The following BUB1 variants were observed in gnomAD, a reference collection of about 807,000 sequenced individuals.
The protein encoded by BUB1 is BUB1 mitotic checkpoint serine/threonine kinase, also known as mitotic checkpoint serine/threonine-protein kinase BUB1.
In BUB1, 84 loss-of-function variants were observed where a neutral mutation model predicts 135.2. The observed-to-expected ratio is 0.62, with a 90% CI of 0.52 to 0.74. BUB1 has a LOEUF of 0.74. Ranked by LOEUF, BUB1 falls within the 30% of genes least tolerant of loss-of-function variation. The pLI, the probability that BUB1 is intolerant of heterozygous loss-of-function variation, is 0.00. For synonymous variants in BUB1, 403 were observed against 434.4 expected, an observed-to-expected ratio of 0.93 and a Z score of 0.90; for missense variants, 1,162 against 1,288.3, an observed-to-expected ratio of 0.90 and a Z score of 1.50.
intron 4 of BUB1, among the ~76,000 whole-genome samples, 199 bp from the exon 5 acceptor site, chr2:110,670,767 T>G (rs1221717545): frequency 6.6e-6 from 1 of 152,222 alleles, no homozygotes; most frequent in Non-Finnish European, 1.5e-5. Context: ...CAATACATTA[T>G]CTGTATTACA....
At chr2:110,655,383 A>AT (rs1169271732) in intron 16 of BUB1, among the ~76,000 whole-genome samples, 1 of 152,202 alleles carries the variant, frequency 6.6e-6, no homozygotes, top group Non-Finnish European at 1.5e-5. Context: ...CATTCAAATA[A>AT]TTTAATGTCT....
At chr2:110,644,936 CTG>C (rs1574316108) in intron 19 of BUB1, among the ~76,000 whole-genome samples, 1 of 151,970 alleles carries the variant, frequency 6.6e-6, no homozygotes, top group Non-Finnish European at 1.5e-5. Context: ...AATTAATACA[CTG>C]AGAGGAGACA....
chr2:110,656,992 A>G, intron 15 of BUB1, 44 bp downstream of exon 15: 1 of 1,442,846 alleles, frequency 6.9e-7, no homozygotes, highest in Non-Finnish European at 9.6e-7. Flanking sequence ...AATAAAGCGG[A>G]TGGGTTGTAG....
Position 110,646,394 on chromosome 2 carries a change from G to C in BUB1, c.2347+2840C>G, listed in dbSNP as rs998861728. ...GGGGCGGGACAGGGAGGGACGGGAA[G>C]GGGCAGATAAAGCAGGCAGGAAATC... is the stretch of plus-strand genomic sequence containing the variant. On this transcript the variant is annotated intron_variant, in intron 19 of 24. Coordinates refer to ENST00000302759, the MANE Select transcript of BUB1 (RefSeq NM_004336.5). 3.3e-5 allele frequency among the ~76,000 whole-genome samples: 5 copies of C among 152,088 alleles called. No individual in the cohort carries two copies. The East Asian group carries it at 9.7e-4, about 29-fold the overall frequency.
At chr2:110,651,485 T>C (rs922569180) in intron 17 of BUB1, among the ~76,000 whole-genome samples, 3 of 152,236 alleles carry the variant, frequency 2.0e-5, no homozygotes, top group Admixed American at 6.5e-5. Flanking sequence ...TAAGTGTTGT[T>C]ACAAAAGTCA....
At position 110,674,238 on chromosome 2, in the gene BUB1, G is replaced by C. The variant is rs1435033298; in HGVS notation, c.87-14C>G. 1.2e-6 allele frequency: 2 copies of C among 1,611,262 alleles called. No individual in the cohort carries two copies. The highest frequency in any genetic ancestry group is 1.7e-6 in the Non-Finnish European group (2 of 1,177,870). On this transcript the variant is annotated splice_polypyrimidine_tract_variant and intron_variant, in intron 2 of 24. Transcript: ENST00000302759. Reference sequence around the variant, plus strand: ...CACTGTATGTATCTAGAAAAATATGGATAATGTTAATTTTCCATGGGGCAG... The same window carrying C: ...CACTGTATGTATCTAGAAAAATATGCATAATGTTAATTTTCCATGGGGCAG...
At chr2:110,670,103 G>A (rs998085594) in intron 5 of BUB1, among the ~76,000 whole-genome samples, 2 of 135,808 alleles carry the variant, frequency 1.5e-5, no homozygotes, top group African/African-American at 2.7e-5. Context: ...AGTGCAATTT[G>A]GTTTTCATTA....
At chr2:110,650,029 G>A (rs1455404471) in intron 18 of BUB1, among the ~76,000 whole-genome samples, 1 of 152,128 alleles carries the variant, frequency 6.6e-6, no homozygotes, top group Admixed American at 6.5e-5. Context: ...CTCTAAGGTA[G>A]GTACTAGCAT....
intron 11 of BUB1, 74 bp from the exon 12 acceptor site, chr2:110,658,816 T>C (rs1159267969): frequency 9.6e-6 from 15 of 1,557,228 alleles, no homozygotes; most frequent in Middle Eastern, 3.4e-4. Flanking sequence ...ACAATTTAAG[T>C]AAGTTACAAT....
chr2:110,653,370 A>G (rs2104530739), intron 17 of BUB1, 66 bp downstream of exon 17: 1 of 1,522,944 alleles, frequency 6.6e-7, no homozygotes, highest in East Asian at 2.3e-5. Flanking sequence ...AGCTAGAATG[A>G]AAATGGTAAA....
Position 110,657,662 on chromosome 2 carries a change from A to G in BUB1, c.1517-17T>C. 1 of 1,519,660 alleles carries G rather than the reference A, an allele frequency of 6.6e-7. No homozygotes were observed. The highest frequency in any genetic ancestry group is 8.9e-7 in the Non-Finnish European group (1 of 1,122,352). 94.1% of individuals were successfully genotyped at this position (1,519,660 alleles called of 1,614,324 possible). ...TTACATTTTCTGCAACAGAATAAAA[A>G]ATAGCATCTAATTATTGTACTAGGA... is the stretch of plus-strand genomic sequence containing the variant. On this transcript the variant is annotated splice_polypyrimidine_tract_variant and intron_variant, in intron 13 of 24. Coordinates refer to ENST00000302759, the MANE Select transcript of BUB1 (RefSeq NM_004336.5).
chr2:110,641,839 C>A, intron 20 of BUB1, 36 bp from the exon 21 acceptor site: 1 of 1,583,712 alleles, frequency 6.3e-7, no homozygotes, highest in South Asian at 1.1e-5. Context: ...TATCCAATCT[C>A]GTATTCTGAA....
rs1321069642 is a variant in BUB1, at chr2:110,641,291, A to C, written c.2783+16T>G. 9.4e-6 allele frequency: 15 copies of C among 1,597,018 alleles called. No individual in the cohort carries two copies. The highest frequency in any genetic ancestry group is 1.3e-5 in the Non-Finnish European group (15 of 1,171,274). ...AAATAGGAAGAGAAGAACCCTGTTA[A>C]AAGCATAACACTTGCCCGTTTCCAA... On this transcript the variant is annotated intron_variant, in intron 22 of 24. Transcript: ENST00000302759.
intron 19 of BUB1, among the ~76,000 whole-genome samples, chr2:110,646,216 G>A (rs1487905355): frequency 6.9e-6 from 1 of 144,604 alleles, no homozygotes; most frequent in Non-Finnish European, 1.5e-5. Context: ...CATGACTGTA[G>A]TCCTAACTAC....
At chr2:110,677,380 G>A (rs1355254692) in intron 1 of BUB1, among the ~76,000 whole-genome samples, 1 of 152,170 alleles carries the variant, frequency 6.6e-6, no homozygotes, top group Non-Finnish European at 1.5e-5. Context: ...GTAACAGTCT[G>A]GGTAAATCAT....
chr2:110,664,172 A>G (rs1690179455), intron 9 of BUB1, among the ~76,000 whole-genome samples: 1 of 152,184 alleles, frequency 6.6e-6, no homozygotes, highest in Non-Finnish European at 1.5e-5. Flanking sequence ...CCTAACAGAG[A>G]GTATGAGGAA....
chr2:110,660,034 C>A lies in BUB1; in HGVS notation c.1220G>T (p.Cys407Phe). The A allele has an allele frequency of 2.5e-6, 4 of 1,610,834 alleles. No homozygotes were observed. The highest frequency in any genetic ancestry group is 3.4e-6 in the Non-Finnish European group (4 of 1,177,604). Residue 407 changes from cysteine (C) to phenylalanine (F), a missense_variant and splice_region_variant, in exon 11 of 25, where the codon TGT (cysteine) becomes TTT (phenylalanine). By Grantham distance (205) the Cys-to-Phe change is radical (BLOSUM62 -2). Transcript: ENST00000302759. ...GAATTCATGAGTACTCTTATTCACA[C>A]ATCTGGAAGAGAAAACTCTTGAGAC... is the stretch of plus-strand genomic sequence containing the variant. ...MFAVASKDAG[C>F]VNKSTHEFKP... is the part of the protein sequence containing the mutation.
intron 4 of BUB1, 58 bp from the exon 5 acceptor site, chr2:110,670,626 T>TA: frequency 6.4e-7 from 1 of 1,556,680 alleles, no homozygotes; most frequent in South Asian, 1.1e-5. Context: ...ACATAGCTGT[T>TA]AGAGTGAAAA....
intron 4 of BUB1, among the ~76,000 whole-genome samples, chr2:110,672,303 G>A (rs922480725): frequency 6.6e-6 from 1 of 152,162 alleles, no homozygotes; most frequent in Non-Finnish European, 1.5e-5. Flanking sequence ...ATTGGAGAGT[G>A]GATTATGACA....
Sources: allele counts gnomAD v4.1 joint callset (sites outside exome capture counted in the v4.1 genomes callset), GRCh38; gene constraint gnomAD v4.1.1; transcripts MANE v1.5; gene names NCBI Gene and HGNC (gene_info 2026-07-23, HGNC 2026-07-21).